The following CENPP variants were observed in gnomAD, a reference collection of about 807,000 sequenced individuals.
CENPP encodes centromere protein P.
A neutral mutation model predicts 35.6 loss-of-function variants in CENPP; 24 were observed. That is an observed-to-expected ratio of 0.67 (90% confidence interval 0.49 to 0.95). The LOEUF (loss-of-function observed/expected upper bound fraction) is 0.95. CENPP is among the 40% of genes least tolerant of loss of function. The pLI is 0.00. For missense variants in CENPP, 332 were observed against 345.3 expected (o/e 0.96, Z 0.31); for synonymous variants, 120 against 125.5 (o/e 0.96, Z 0.29).
intron 5 of CENPP, chr9:92,496,089 C>G: frequency 4.3e-6 from 5 of 1,158,524 alleles, no homozygotes; most frequent in Non-Finnish European, 5.3e-6. Flanking sequence ...TGGCCTCTTT[C>G]TAGAGGTAGG....
intron 5 of CENPP, among the ~76,000 whole-genome samples, chr9:92,538,605 G>A (rs565457581): frequency 7.9e-5 from 12 of 152,314 alleles, no homozygotes; most frequent in Middle Eastern, 3.4e-3. Context: ...AATTTCTGAG[G>A]TTCCTGCTCT....
At chr9:92,457,290 A>G in intron 5 of CENPP, 1 of 1,613,246 alleles carries the variant, frequency 6.2e-7, no homozygotes, top group Non-Finnish European at 8.5e-7. Flanking sequence ...ACTAATTATT[A>G]CATTCCAAAG....
chr9:92,357,556 G>A (rs901769446), intron 4 of CENPP, among the ~76,000 whole-genome samples: 4 of 151,130 alleles, frequency 2.6e-5, no homozygotes, highest in South Asian at 2.1e-4. Context: ...GTTCAATGGC[G>A]CGATCTCAGC....
chr9:92,479,179 G>A (rs1156975942), intron 5 of CENPP, among the ~76,000 whole-genome samples: 1 of 152,152 alleles, frequency 6.6e-6, no homozygotes, highest in African/African-American at 2.4e-5. Flanking sequence ...GAACAGTAGT[G>A]GTCCTGCTTT....
chr9:92,587,875 C>T (rs1850577862), intron 5 of CENPP, among the ~76,000 whole-genome samples: 1 of 152,196 alleles, frequency 6.6e-6, no homozygotes, highest in African/African-American at 2.4e-5. Flanking sequence ...CCTATAATCC[C>T]AGCACTTTGG....
At chr9:92,494,692 A>G (rs1435541027) in intron 5 of CENPP, among the ~76,000 whole-genome samples, 1 of 152,118 alleles carries the variant, frequency 6.6e-6, no homozygotes, top group Non-Finnish European at 1.5e-5. Flanking sequence ...TCTTATCACA[A>G]GGTCAAGAGA....
intron 5 of CENPP, among the ~76,000 whole-genome samples, chr9:92,430,638 G>C (rs1472775776): frequency 2.0e-5 from 3 of 152,048 alleles, no homozygotes; most frequent in Non-Finnish European, 4.4e-5. Context: ...TTACAGGTGT[G>C]AGCCACCACG....
At chr9:92,612,458 A>G in intron 6 of CENPP, 65 bp from the exon 7 acceptor site, 1 of 1,291,224 alleles carries the variant, frequency 7.7e-7, no homozygotes, top group East Asian at 2.3e-5. Flanking sequence ...GGTGCGACTC[A>G]TGGTTGCTAA....
rs2130825513 is a variant in CENPP, at chr9:92,357,163, A to G, written c.467+11376A>G. On this transcript the variant is annotated intron_variant, in intron 4 of 7. Coordinates refer to ENST00000375587, the MANE Select transcript of CENPP (RefSeq NM_001012267.3). ...TTGTTGCAAAAATACTAGCTTTTAT[A>G]ATTTCACATGTATTTACCTTTATTG... Among the ~76,000 whole-genome samples the G allele has an allele frequency of 2.0e-5, 3 of 152,222 alleles. 1 individual carries two copies. The Middle Eastern group carries it at 0.01, about 518-fold the overall frequency.
intron 5 of CENPP, among the ~76,000 whole-genome samples, chr9:92,472,458 G>C (rs1252023662): frequency 6.6e-6 from 1 of 151,984 alleles, no homozygotes; most frequent in Non-Finnish European, 1.5e-5. Flanking sequence ...AGGAGATCAA[G>C]ACCATCCTGG....
intron 5 of CENPP, among the ~76,000 whole-genome samples, chr9:92,532,684 GTTCT>G (rs1848871902): frequency 6.6e-6 from 1 of 151,802 alleles, no homozygotes; most frequent in African/African-American, 2.4e-5. Flanking sequence ...TTTTCAGTAT[GTTCT>G]TTTTGTTTCC....
chr9:92,570,914 T>C (rs866388166), intron 5 of CENPP, among the ~76,000 whole-genome samples: 123 of 150,026 alleles, frequency 8.2e-4, no homozygotes, highest in African/African-American at 2.3e-3. Context: ...TCTGTGGGAT[T>C]GGTGGTGATA....
intron 5 of CENPP, among the ~76,000 whole-genome samples, chr9:92,382,876 G>A (rs1373985955): frequency 1.4e-5 from 2 of 142,608 alleles, no homozygotes; most frequent in Non-Finnish European, 3.0e-5. Context: ...ACTTACGCTA[G>A]TACCACACTG....
chr9:92,352,505 G>GTGTGTGTGTATAAATATATATATA, intron 4 of CENPP, among the ~76,000 whole-genome samples: 2 of 49,764 alleles, frequency 4.0e-5, no homozygotes, highest in Admixed American at 2.4e-4. Flanking sequence ...GTGTGTGTGT[G>GTGTGTGTGTATAAATATATATATA]TATACATATA....
At chr9:92,367,425 G>A (rs554703705) in intron 4 of CENPP, among the ~76,000 whole-genome samples, 3 of 151,844 alleles carry the variant, frequency 2.0e-5, no homozygotes, top group Admixed American at 6.6e-5. Context: ...CCTCAGCCTC[G>A]CAGAGTTCTG....
chr9:92,544,370 G>A (rs535864759), intron 5 of CENPP, among the ~76,000 whole-genome samples: 1 of 152,308 alleles, frequency 6.6e-6, no homozygotes, highest in East Asian at 1.9e-4. Flanking sequence ...CAGCTGTTTG[G>A]GAGGCTGAGG....
chr9:92,379,742 G>C (rs201096846), intron 4 of CENPP, 21 bp from the exon 5 acceptor site: 47 of 1,506,480 alleles, frequency 3.1e-5, no homozygotes, highest in Non-Finnish European at 4.1e-5. Flanking sequence ...TTATTAATCA[G>C]AGAATCATTT....
intron 5 of CENPP, among the ~76,000 whole-genome samples, chr9:92,454,247 A>G (rs1400098335): frequency 6.6e-6 from 1 of 152,216 alleles, no homozygotes; most frequent in Admixed American, 6.5e-5. Context: ...TTGAAAATAC[A>G]AACATAAACC....
chr9:92,591,660 C>T lies in CENPP; in HGVS notation c.565-19654C>T, dbSNP rs143286048. Among the ~76,000 whole-genome samples, 295 of 151,720 alleles carry T rather than the reference C, an allele frequency of 1.9e-3. 1 individual carries two copies. The highest frequency in any genetic ancestry group is 6.6e-3 in the African/African-American group (272 of 41,364). ...TAACAAATCCTGGAGAATCTGTCTG[C>T]GATGTTTCATTTATGGTCACTGTTC... On this transcript the variant is annotated intron_variant, in intron 5 of 7. Coordinates refer to ENST00000375587, the MANE Select transcript of CENPP (RefSeq NM_001012267.3).
Sources: allele counts gnomAD v4.1 joint callset (sites outside exome capture counted in the v4.1 genomes callset), GRCh38; gene constraint gnomAD v4.1.1; transcripts MANE v1.5; gene names NCBI Gene and HGNC (gene_info 2026-07-23, HGNC 2026-07-21).